The following RBFOX1 variants were observed in gnomAD, a reference collection of about 807,000 sequenced individuals.
The protein encoded by RBFOX1 is RNA binding protein fox-1 homolog 1.
RBFOX1 carries 8 observed loss-of-function variants against 57.7 expected under a neutral mutation model. The observed-to-expected ratio is 0.14, with a 90% confidence interval of 0.08 to 0.25. RBFOX1 has a LOEUF of 0.25. Among genes scored for constraint, RBFOX1 ranks in the 10% least tolerant of loss-of-function variants. RBFOX1 has a pLI of 1.00. For missense variants in RBFOX1, 611 were observed against 548.5 expected (o/e 1.11, Z -1.14); for synonymous variants, 326 against 222.4 (o/e 1.47, Z -4.15).
intron 4 of RBFOX1, among the ~76,000 whole-genome samples, chr16:7,163,945 C>A (rs551738842): frequency 6.6e-6 from 1 of 152,108 alleles, no homozygotes; most frequent in Non-Finnish European, 1.5e-5. Flanking sequence ...CAGGTGTGAG[C>A]CACCGCACAC....
At chr16:7,188,436 G>C (rs1387172388) in intron 4 of RBFOX1, among the ~76,000 whole-genome samples, 4 of 152,182 alleles carry the variant, frequency 2.6e-5, no homozygotes, top group African/African-American at 9.7e-5. Context: ...ATGCTATTTA[G>C]AGGAAGCTTT....
At chr16:5,812,731 G>A (rs1006259622) in intron 3 of RBFOX1, among the ~76,000 whole-genome samples, 2 of 152,048 alleles carry the variant, frequency 1.3e-5, no homozygotes, top group Non-Finnish European at 2.9e-5. Context: ...CAAAGTGCTG[G>A]AATTACAGGC....
chr16:7,244,120 T>A (rs1015624327), intron 4 of RBFOX1, among the ~76,000 whole-genome samples: 1 of 151,962 alleles, frequency 6.6e-6, no homozygotes, highest in East Asian at 1.9e-4. Flanking sequence ...TACAGCTCAA[T>A]CTTAAACAGC....
chr16:7,011,169 G>T (rs1414796117), intron 3 of RBFOX1, among the ~76,000 whole-genome samples: 2 of 152,018 alleles, frequency 1.3e-5, no homozygotes, highest in African/African-American at 4.8e-5. Context: ...GACAGATTTG[G>T]ATTTATTTGA....
At chr16:7,438,337 T>A (rs1212519245) in intron 4 of RBFOX1, among the ~76,000 whole-genome samples, 1 of 152,060 alleles carries the variant, frequency 6.6e-6, no homozygotes, top group East Asian at 1.9e-4. Context: ...CTACTTTGGA[T>A]GTCAGTCCAT....
chr16:5,247,310 G>A (rs2062326774), intron 1 of RBFOX1, among the ~76,000 whole-genome samples: 1 of 152,178 alleles, frequency 6.6e-6, no homozygotes, highest in Non-Finnish European at 1.5e-5. Flanking sequence ...ATCCTTCCAC[G>A]ATGCTTTCTG....
intron 4 of RBFOX1, among the ~76,000 whole-genome samples, chr16:7,198,029 G>A (rs1420822494): frequency 6.5e-4 from 25 of 38,680 alleles, no homozygotes; most frequent in African/African-American, 9.1e-4. Context: ...TTTTTGAGAC[G>A]GAGTCTTGCT....
intron 3 of RBFOX1, among the ~76,000 whole-genome samples, chr16:6,987,456 GACAC>G (rs199503873): frequency 0.14 from 19,313 of 135,114 alleles, 1,299 homozygotes; most frequent in South Asian, 0.17. Flanking sequence ...AAACTTTTCA[GACAC>G]ACACACACAC....
chr16:6,866,762 T>G (rs1272559544), intron 3 of RBFOX1, among the ~76,000 whole-genome samples: 1 of 151,950 alleles, frequency 6.6e-6, no homozygotes, highest in Non-Finnish European at 1.5e-5. Context: ...CAGGATGGTC[T>G]CGATCTCCTG....
chr16:6,926,170 G>T (rs959084944), intron 3 of RBFOX1, among the ~76,000 whole-genome samples: 2 of 152,102 alleles, frequency 1.3e-5, no homozygotes, highest in South Asian at 4.2e-4. Flanking sequence ...AGCTGGGCAT[G>T]GTGGTGTGCA....
At chr16:7,108,250 T>C (rs2063967119) in intron 4 of RBFOX1, among the ~76,000 whole-genome samples, 1 of 152,150 alleles carries the variant, frequency 6.6e-6, no homozygotes, top group South Asian at 2.1e-4. Flanking sequence ...GGAGAAGGAT[T>C]AATGGGGAAC....
Position 6,019,036 on chromosome 16 carries a change from G to A in RBFOX1, c.-1083G>A. 4 of 941,404 alleles carry A rather than the reference G, an allele frequency of 4.2e-6. No homozygotes were observed. Among genetic ancestry groups the A allele is most frequent in the Non-Finnish European group, 5.1e-6 (4 of 790,694 alleles). 58.3% of individuals were successfully genotyped at this position (941,404 alleles called of 1,614,324 possible). On this transcript the variant is annotated 5_prime_UTR_variant, in exon 1 of 16. Coordinates refer to ENST00000550418, the MANE Select transcript of RBFOX1 (RefSeq NM_018723.4). This position sits in a 1 kb window ranked among gnomAD's most constrained non-coding sequence, Gnocchi z 4.2. ...TCCCTCGCGCACCAGATTATTTTTG[G>A]CTCCGCAGCCGGGGCTGCTCGCTGC...
intron 3 of RBFOX1, among the ~76,000 whole-genome samples, chr16:6,996,671 G>C (rs144491643): frequency 7.7e-4 from 117 of 152,332 alleles, no homozygotes; most frequent in African/African-American, 2.8e-3. Flanking sequence ...TGAGGTCACA[G>C]AGGTAGTAAG....
chr16:6,966,789 ATCTGTCTGTCTG>A (rs796374772), intron 3 of RBFOX1, among the ~76,000 whole-genome samples: 6 of 127,880 alleles, frequency 4.7e-5, no homozygotes, highest in Admixed American at 1.5e-4. Flanking sequence ...CTATCTATCT[ATCTGTCTGTCTG>A]TCTGTCTGTC....
At chr16:7,460,105 A>G (rs945873376) in intron 4 of RBFOX1, among the ~76,000 whole-genome samples, 3 of 151,970 alleles carry the variant, frequency 2.0e-5, no homozygotes, top group Non-Finnish European at 2.9e-5. Context: ...AATATCATTA[A>G]GGTTTCAGGT....
At chr16:6,340,300 C>A (rs1410608983) in intron 2 of RBFOX1, among the ~76,000 whole-genome samples, 1 of 152,046 alleles carries the variant, frequency 6.6e-6, no homozygotes, top group Non-Finnish European at 1.5e-5. Flanking sequence ...CACTCATGAC[C>A]TAAATTAGTT....
At chr16:7,479,821 AAG>A (rs2151180309) in intron 4 of RBFOX1, among the ~76,000 whole-genome samples, 1 of 152,316 alleles carries the variant, frequency 6.6e-6, no homozygotes, top group African/African-American at 2.4e-5. Flanking sequence ...GCTAGATGTG[AAG>A]AGTCTTCCCC....
chr16:6,780,775 G>A (rs2080880122), intron 3 of RBFOX1, among the ~76,000 whole-genome samples: 1 of 151,162 alleles, frequency 6.6e-6, no homozygotes. Flanking sequence ...CATACCTTTT[G>A]GTCATTTGTA....
chr16:7,282,996 C>G (rs546698015), intron 4 of RBFOX1, among the ~76,000 whole-genome samples: 1 of 152,120 alleles, frequency 6.6e-6, no homozygotes, highest in African/African-American at 2.4e-5. Flanking sequence ...CTTCAATGCA[C>G]TCATTGGTTT....
Sources: allele counts gnomAD v4.1 joint callset (sites outside exome capture counted in the v4.1 genomes callset), GRCh38; gene constraint gnomAD v4.1.1; non-coding constraint Gnocchi (gnomAD v3.1); transcripts MANE v1.5; gene names NCBI Gene and HGNC (gene_info 2026-07-23, HGNC 2026-07-21).